Variants in TRANK1 observed in about 807,000 individuals in gnomAD.
TRANK1 encodes TPR and ankyrin repeat-containing protein 1.
In TRANK1, 198 loss-of-function variants were observed where a neutral mutation model predicts 266.0. The observed-to-expected ratio is 0.74, with a 90% CI of 0.66 to 0.84. The LOEUF (loss-of-function observed/expected upper bound fraction) is 0.84, where lower values mean the gene tolerates loss of function less well. Among genes scored for constraint, TRANK1 ranks in the 40% least tolerant of loss-of-function variants. TRANK1 has a pLI of 0.00. For synonymous variants in TRANK1, 1,396 were observed against 1,384.1 expected (o/e 1.01, Z -0.19); for missense variants, 3,326 against 3,634.6 (o/e 0.92, Z 2.18).
Position 36,903,140 on chromosome 3 carries a change from A to AC in TRANK1, c.282+8dup. On this transcript the variant is annotated intron_variant, in intron 3 of 23. Coordinates refer to ENST00000645898, the MANE Select transcript of TRANK1 (RefSeq NM_001329998.2). ...CATCTCCCCACACCTTCACCCTCCC[A>AC]CCCCATACCTTCACGTAGGTTGGAT... The AC allele has an allele frequency of 6.5e-7, 1 of 1,536,014 alleles. No individual in the cohort carries two copies. The highest frequency in any genetic ancestry group is 8.7e-7 in the Non-Finnish European group (1 of 1,146,322).
At chr3:36,834,708 C>G (rs1294682250) in intron 21 of TRANK1, 54 bp downstream of exon 21, 2 of 1,570,384 alleles carry the variant, frequency 1.3e-6, no homozygotes, top group Admixed American at 1.8e-5. Flanking sequence ...CAGGCTGCCC[C>G]CAGAGAGAAG....
At chr3:36,874,880 C>T (rs1173426368) in intron 8 of TRANK1, among the ~76,000 whole-genome samples, 3 of 152,006 alleles carry the variant, frequency 2.0e-5, no homozygotes, top group Non-Finnish European at 4.4e-5. Context: ...AGGTATATCC[C>T]TGGGGGTACA....
chr3:36,924,240 G>A (rs774837076), intron 1 of TRANK1, among the ~76,000 whole-genome samples: 2 of 152,148 alleles, frequency 1.3e-5, no homozygotes, highest in Non-Finnish European at 2.9e-5. Context: ...CAGCGTTAAG[G>A]CCCCTAGCAG....
rs2079502083 is a variant in TRANK1 at position 36,880,064 on chromosome 3, G to GTAAACATGCAAATATA, written c.908-5784_908-5769dup. The GTAAACATGCAAATATA allele has an allele frequency of 2.4e-3, 34 of 14,026 alleles. 11 individuals are homozygous for GTAAACATGCAAATATA. Among genetic ancestry groups the GTAAACATGCAAATATA allele is most frequent in the Admixed American group, 2.7e-3 (3 of 1,122 alleles). The allele number at this position is 14,026 out of a possible 1,614,324, so 0.9% of individuals were successfully genotyped here. On this transcript the variant is annotated intron_variant, in intron 8 of 23. Transcript: ENST00000645898. ...AATATATGTAAACATACAAATATAT[G>GTAAACATGCAAATATA]TAAACATGCAAATATATATAAACAT...
chr3:36,908,295 AAGAT>A (rs2080003039), intron 2 of TRANK1, 24 bp downstream of exon 2: 10 of 1,232,116 alleles, frequency 8.1e-6, no homozygotes, highest in Non-Finnish European at 1.0e-6. Flanking sequence ...TGAAAAAGAA[AAGAT>A]GAGGTGAAAA....
In TRANK1 at chr3:36,880,082, A is replaced by C. The variant is rs187387919; in HGVS notation, c.908-5786T>G. ...AATATATGTAAACATGCAAATATAT[A>C]TAAACATATATAAATATATATAAAC... On this transcript the variant is annotated intron_variant, in intron 8 of 23. Transcript: ENST00000645898. 2.2e-5 allele frequency: 2 copies of C among 90,532 alleles called. 1 individual carries two copies. Among genetic ancestry groups the C allele is most frequent in the South Asian group, 6.6e-4 (2 of 3,052 alleles). 5.6% of individuals were successfully genotyped at this position (90,532 alleles called of 1,614,324 possible). A position where few individuals can be genotyped will look rare whatever the true frequency, so the allele number is the denominator to read the frequency against.
intron 15 of TRANK1, chr3:36,849,942 G>A: frequency 1.2e-6 from 1 of 807,430 alleles, no homozygotes; most frequent in Non-Finnish European, 1.5e-6. Flanking sequence ...TTAGTTTCAG[G>A]CAACTCCCTG....
chr3:36,845,984 C>G (rs932385904), intron 17 of TRANK1, among the ~76,000 whole-genome samples: 1 of 152,128 alleles, frequency 6.6e-6, no homozygotes. Flanking sequence ...CCCAAAAGGG[C>G]CTATTTCCTC....
At chr3:36,844,788 C>T (rs1029747029) in intron 17 of TRANK1, among the ~76,000 whole-genome samples, 1 of 152,158 alleles carries the variant, frequency 6.6e-6, no homozygotes, top group African/African-American at 2.4e-5. Flanking sequence ...TAGTCGCCAA[C>T]CGAGCCATCA....
At chr3:36,866,076 G>GAAAT in intron 9 of TRANK1, among the ~76,000 whole-genome samples, 1 of 146,636 alleles carries the variant, frequency 6.8e-6, no homozygotes, top group Admixed American at 6.7e-5. Context: ...AAGAAAGAAA[G>GAAAT]AAAGAAAGAA....
chr3:36,871,311 C>G (rs886347306), intron 9 of TRANK1, among the ~76,000 whole-genome samples: 3 of 152,048 alleles, frequency 2.0e-5, no homozygotes, highest in Non-Finnish European at 4.4e-5. Flanking sequence ...ACGCTTGAAC[C>G]GGGGAGGCGG....
chr3:36,903,347 G>T (rs781016643), intron 2 of TRANK1, 72 bp from the exon 3 acceptor site: 55 of 1,483,678 alleles, frequency 3.7e-5, no homozygotes, highest in Non-Finnish European at 4.7e-5. Context: ...CCCCCCATTC[G>T]GTGCTGGCTG....
chr3:36,867,983 C>T (rs1042767740), intron 9 of TRANK1, among the ~76,000 whole-genome samples: 2 of 152,220 alleles, frequency 1.3e-5, no homozygotes, highest in African/African-American at 4.8e-5. Flanking sequence ...GGTGAACTCA[C>T]ATGTCTCAGT....
intron 1 of TRANK1, among the ~76,000 whole-genome samples, chr3:36,943,036 T>TCAGG (rs1239142253): frequency 6.6e-6 from 1 of 151,964 alleles, no homozygotes; most frequent in African/African-American, 2.4e-5. Flanking sequence ...CAAAAATTAG[T>TCAGG]CAGGCTTGGT....
chr3:36,906,503 T>C (rs921728200), intron 2 of TRANK1, among the ~76,000 whole-genome samples: 6 of 152,168 alleles, frequency 3.9e-5, no homozygotes, highest in Non-Finnish European at 8.8e-5. Context: ...ACTTTTGTGA[T>C]TAACAAATGA....
At chr3:36,888,758 T>TA (rs938297899) in intron 8 of TRANK1, among the ~76,000 whole-genome samples, 2 of 152,142 alleles carry the variant, frequency 1.3e-5, no homozygotes, top group African/African-American at 2.4e-5. Flanking sequence ...TCCACAGTTT[T>TA]AAAAAATCCA....
chr3:36,901,103 T>TG (rs921578129), intron 3 of TRANK1, among the ~76,000 whole-genome samples: 2 of 70,500 alleles, frequency 2.8e-5, no homozygotes, highest in Non-Finnish European at 5.1e-5. Context: ...TCAAGGTTGT[T>TG]TTTTTTTTTT....
Position 36,833,532 on chromosome 3 carries a change from A to C in TRANK1, c.6051T>G (p.Leu2017=). 1.2e-6 allele frequency: 2 copies of C among 1,613,974 alleles called. No homozygotes were observed. Among genetic ancestry groups the C allele is most frequent in the East Asian group, 2.2e-5 (1 of 44,890 alleles). The change falls in exon 22 of 24, where the codon CTT becomes CTG. Residue 2017 remains leucine, a synonymous_variant. Transcript: ENST00000645898. ...EHTKDILREA[L]DICYQTGQLS... ...ACTGGCCAGTTTGATAGCAGATATC[A>C]AGTGCTTCTCTCAGAATGTCCTTGG...
rs1453416138 is a variant in TRANK1, at chr3:36,864,432, T to G, written c.1127A>C (p.Lys376Thr). ...GPTSENDIFR[K>T]VLEQLVKYMN... is the part of the protein sequence containing the mutation. ...ATACTTCACCAGCTGCTCCAAGACC[T>G]TCCTGAAAATGTCGTTTTCACTAGT... The change falls in exon 10 of 24, where the codon AAG becomes ACG. Residue 376 changes from lysine to threonine, a missense_variant. By Grantham distance (78) the Lys-to-Thr change is moderately conservative (BLOSUM62 -1). Transcript: ENST00000645898. 3 of 1,536,562 alleles carry G rather than the reference T, an allele frequency of 2.0e-6. No homozygotes were observed. Among genetic ancestry groups the G allele is most frequent in the Non-Finnish European group, 2.6e-6 (3 of 1,146,664 alleles).
Sources: allele counts gnomAD v4.1 joint callset (sites outside exome capture counted in the v4.1 genomes callset), GRCh38; gene constraint gnomAD v4.1.1; transcripts MANE v1.5; gene names NCBI Gene and HGNC (gene_info 2026-07-23, HGNC 2026-07-21).